Variants in ERICH3 observed in about 807,000 individuals in gnomAD.
The protein encoded by ERICH3 is glutamate rich 3.
A neutral mutation model predicts 131.1 loss-of-function variants in ERICH3; 126 were observed. The observed-to-expected ratio is 0.96, with a 90% confidence interval of 0.83 to 1.11. ERICH3 has a LOEUF of 1.11. ERICH3 is among the 50% of genes most tolerant of loss of function. ERICH3 has a pLI of 0.00. For missense variants in ERICH3, 2,050 were observed against 1,810.7 expected, an observed-to-expected ratio of 1.13 and a Z score of -2.40; for synonymous variants, 695 against 644.6, an observed-to-expected ratio of 1.08 and a Z score of -1.18.
chr1:74,626,654 C>A (rs1176940800), intron 7 of ERICH3, among the ~76,000 whole-genome samples: 1 of 152,104 alleles, frequency 6.6e-6, no homozygotes. Flanking sequence ...GGTTAGACTA[C>A]CTCGATCCTG....
In ERICH3 at chr1:74,572,341, T is replaced by C. The variant is rs1246090280; in HGVS notation, c.3369A>G (p.Gly1123=). The C allele has an allele frequency of 1.9e-6, 3 of 1,613,728 alleles. No individual in the cohort carries two copies. Among genetic ancestry groups the C allele is most frequent in the Non-Finnish European group, 2.5e-6 (3 of 1,179,982 alleles). Residue 1123 remains glycine (G), a synonymous_variant, in exon 14 of 15, where the codon GGA becomes GGG. Coordinates refer to ENST00000326665, the MANE Select transcript of ERICH3 (RefSeq NM_001002912.5). ...EETKAPPNEM[G]SDAENEAPVE... ...CAGGTGCTTCGTTCTCAGCATCAGA[T>C]CCCATTTCATTTGGGGGAGCTTTTG...
Position 74,572,641 on chromosome 1 carries a change from GAAGGCTTCCTTTGC to G in ERICH3, c.3055_3068del (p.Ala1019ProfsTer14). Reference sequence around the variant, plus strand: ...CCCCTTCCACATCTTCCTTGCAAAGGAAGGCTTCCTTTGCAAGGCTTCCTTCCTCAGGGCTGCCC... The same window carrying G: ...CCCCTTCCACATCTTCCTTGCAAAGGAAGGCTTCCTTCCTCAGGGCTGCCC... On this transcript the variant is annotated frameshift_variant, in exon 14 of 15. Coordinates refer to ENST00000326665, the MANE Select transcript of ERICH3 (RefSeq NM_001002912.5). LOFTEE classifies it high-confidence loss of function. The G allele has an allele frequency of 6.2e-7, 1 of 1,613,720 alleles. No individual in the cohort carries two copies. The highest frequency in any genetic ancestry group is 8.5e-7 in the Non-Finnish European group (1 of 1,179,944).
intron 11 of ERICH3, chr1:74,592,147 C>A (rs374954763): frequency 6.6e-6 from 1 of 152,204 alleles, no homozygotes; most frequent in East Asian, 1.9e-4. Context: ...AGCCTTTCAG[C>A]AACAGAGCCC....
At chr1:74,599,555 C>T (rs1648019983) in intron 11 of ERICH3, 140 bp downstream of exon 11, 1 of 748,422 alleles carries the variant, frequency 1.3e-6, no homozygotes, top group Non-Finnish European at 2.2e-6. Context: ...CAAACCTTCA[C>T]ATGTACCCCT....
intron 1 of ERICH3, among the ~76,000 whole-genome samples, chr1:74,654,419 C>T (rs999614113): frequency 2.0e-5 from 3 of 151,806 alleles, no homozygotes; most frequent in Non-Finnish European, 4.4e-5. Flanking sequence ...CCTACTGTTT[C>T]TCTTAGTTTC....
At chr1:74,577,234 C>A in intron 12 of ERICH3, 3 of 182,474 alleles carry the variant, frequency 1.6e-5, no homozygotes, top group Non-Finnish European at 1.9e-5. Flanking sequence ...CATTCTATTC[C>A]TTAGTTGAAA....
At chr1:74,656,426 A>G (rs1317458692) in intron 1 of ERICH3, among the ~76,000 whole-genome samples, 1 of 152,162 alleles carries the variant, frequency 6.6e-6, no homozygotes, top group Non-Finnish European at 1.5e-5. Context: ...AAACAACTCC[A>G]TCACAAAATA....
intron 12 of ERICH3, among the ~76,000 whole-genome samples, chr1:74,584,965 C>T (rs886716216): frequency 1.3e-5 from 2 of 152,170 alleles, no homozygotes; most frequent in African/African-American, 2.4e-5. Context: ...AATTGCATTT[C>T]ATTTTAGTTA....
rs182918550 is a variant in ERICH3 at position 74,629,365 on chromosome 1, A to G, written c.819+2348T>C. Among the ~76,000 whole-genome samples, 33 of 152,212 alleles carry G rather than the reference A, an allele frequency of 2.2e-4. No homozygotes were observed. The East Asian group carries it at 6.2e-3, about 29-fold the overall frequency. On this transcript the variant is annotated intron_variant, in intron 7 of 14. Transcript: ENST00000326665. Reference sequence around the variant, plus strand: ...AAATAGAGATTCCAAAAAGAGAGAAAAAGGTTTTTTTTTTCTTGGAAAAAA... The same window carrying G: ...AAATAGAGATTCCAAAAAGAGAGAAGAAGGTTTTTTTTTTCTTGGAAAAAA...
At chr1:74,605,386 A>G (rs914265617) in intron 10 of ERICH3, among the ~76,000 whole-genome samples, 4 of 151,876 alleles carry the variant, frequency 2.6e-5, no homozygotes, top group African/African-American at 9.7e-5. Flanking sequence ...TAGCACTCTT[A>G]ACTTCCTTCA....
rs1190058594 is a variant in ERICH3, at chr1:74,636,444, C to A, written c.445-6G>T. 1.9e-6 allele frequency: 3 copies of A among 1,591,576 alleles called. No individual in the cohort carries two copies. The highest frequency in any genetic ancestry group is 2.2e-5 in the East Asian group (1 of 44,696). ...GTATATGGTCGAGGGGCTGTCTAGACAATTAGGGGAAAAAATTCCATTTAA... is the reference window on the plus strand; with the variant it reads ...GTATATGGTCGAGGGGCTGTCTAGAAAATTAGGGGAAAAAATTCCATTTAA... On this transcript the variant is annotated splice_polypyrimidine_tract_variant and splice_region_variant and intron_variant, in intron 5 of 14. Coordinates refer to ENST00000326665, the MANE Select transcript of ERICH3 (RefSeq NM_001002912.5).
At chr1:74,584,992 C>A (rs1217514683) in intron 12 of ERICH3, among the ~76,000 whole-genome samples, 1 of 152,098 alleles carries the variant, frequency 6.6e-6, no homozygotes, top group African/African-American at 2.4e-5. Flanking sequence ...TATTTAAGTT[C>A]AAATTGCCTG....
At chr1:74,579,840 G>A (rs75032470) in intron 12 of ERICH3, 17 of 984,802 alleles carry the variant, frequency 1.7e-5, no homozygotes, top group Non-Finnish European at 1.8e-5. Flanking sequence ...TGGAGGCAAA[G>A]GTGATTGTCA....
intron 12 of ERICH3, among the ~76,000 whole-genome samples, chr1:74,588,545 C>G (rs1288387239): frequency 6.6e-6 from 1 of 152,130 alleles, no homozygotes; most frequent in African/African-American, 2.4e-5. Flanking sequence ...TAAAAGCATT[C>G]ATATGCTTTT....
chr1:74,648,985 T>A lies in ERICH3; in HGVS notation c.117+237A>T, dbSNP rs146224589. ...TAAACAAACCATTGAAATATGCTGTTGGAAAGTCTCAGGACCTTTTCCTCA... is the reference window on the plus strand; with the variant it reads ...TAAACAAACCATTGAAATATGCTGTAGGAAAGTCTCAGGACCTTTTCCTCA... On this transcript the variant is annotated intron_variant, in intron 2 of 14. Transcript: ENST00000326665. Among the ~76,000 whole-genome samples the A allele has an allele frequency of 3.6e-4, 55 of 152,306 alleles. No individual in the cohort carries two copies. The South Asian group carries it at 0.01, about 28-fold the overall frequency.
At position 74,662,847 on chromosome 1, in the gene ERICH3, T is replaced by A. The variant is rs954530476; in HGVS notation, c.23+10650A>T. Among the ~76,000 whole-genome samples, 3 of 152,114 alleles carry A rather than the reference T, an allele frequency of 2.0e-5. No individual in the cohort carries two copies. In the East Asian group the frequency reaches 5.8e-4, roughly 29 times the overall value. On this transcript the variant is annotated intron_variant, in intron 1 of 14. Coordinates refer to ENST00000326665, the MANE Select transcript of ERICH3 (RefSeq NM_001002912.5). The stretch of plus-strand genomic sequence containing the variant: ...ATACCATGTTTTTAAAGAGTGCTTT[T>A]TACTATTTAAAAATGTTTCCCAACC...
rs1412338856 is a variant in ERICH3, at chr1:74,612,736, C to T, written c.1074G>A (p.Gln358=). 2.5e-6 allele frequency: 4 copies of T among 1,604,096 alleles called. No individual in the cohort carries two copies. The highest frequency in any genetic ancestry group is 1.3e-5 in the African/African-American group (1 of 74,826). ...FSLTFFLNGM[Q]VNRLSSCCEY... ...CACAACAGGAGCTTAACCTGTTCAC[C>T]TGCATCCCATTCAGGAAAAAGGTGA... The change falls in exon 9 of 15, where the codon CAG becomes CAA. Residue 358 remains glutamine, a synonymous_variant. Transcript: ENST00000326665.
In ERICH3 at chr1:74,639,663, T is replaced by A. The variant is rs932901645; in HGVS notation, c.444+1668A>T. 5.3e-5 allele frequency among the ~76,000 whole-genome samples: 8 copies of A among 152,300 alleles called. No homozygotes were observed. In the East Asian group the frequency reaches 1.2e-3, roughly 22 times the overall value. On this transcript the variant is annotated intron_variant, in intron 5 of 14. Transcript: ENST00000326665. ...AGTGTGGGTGAATGTTCCAAGCATA[T>A]GCAGAATTAGCTGAAATGATTTTCC...
intron 11 of ERICH3, among the ~76,000 whole-genome samples, chr1:74,598,100 T>C (rs1647942355): frequency 6.6e-6 from 1 of 151,978 alleles, no homozygotes; most frequent in Admixed American, 6.6e-5. Flanking sequence ...CTACTGCTGT[T>C]TTCCATACAT....
Sources: gnomAD v4.1 joint callset for allele counts (sites outside exome capture counted in the v4.1 genomes callset) on GRCh38, gnomAD v4.1.1 for gene constraint, MANE v1.5 for transcripts, NCBI Gene and HGNC (gene_info 2026-07-23, HGNC 2026-07-21) for gene names.